The following PWWP3A variants were observed in gnomAD, a reference collection of about 807,000 sequenced individuals.
PWWP3A encodes PWWP domain-containing DNA repair factor 3A.
PWWP3A carries 53 observed loss-of-function variants against 79.0 expected under a neutral mutation model. The observed-to-expected ratio is 0.67, with a 90% CI of 0.54 to 0.84. The LOEUF (loss-of-function observed/expected upper bound fraction) is 0.84. PWWP3A is among the 40% of genes least tolerant of loss of function. PWWP3A has a pLI of 0.00. For missense variants in PWWP3A, 973 were observed against 948.0 expected, an observed-to-expected ratio of 1.03 and a Z score of -0.35; for synonymous variants, 443 against 394.4, an observed-to-expected ratio of 1.12 and a Z score of -1.46.
At chr19:1,375,616 T>A (rs190250518) in intron 13 of PWWP3A, among the ~76,000 whole-genome samples, 254 of 3,028 alleles carry the variant, frequency 0.084, 2 homozygotes, top group Middle Eastern at 0.25. Context: ...TATATACAAT[T>A]ATATAACAAT....
rs142273631 is a variant in PWWP3A at position 1,366,455 on chromosome 19, G to T, written c.1361+74G>T. On this transcript the variant is annotated intron_variant, in intron 8 of 13. Coordinates refer to ENST00000591337, the MANE Select transcript of PWWP3A (RefSeq NM_001369789.1). ...GGCCGCTCTCAGAGTCAGAGCGGGC[G>T]TGGGGATGGAGGGACAGAGGGGAGG... is the stretch of plus-strand genomic sequence containing the variant. 6.5e-4 allele frequency: 920 copies of T among 1,407,262 alleles called. 15 individuals are homozygous for T. The South Asian group carries it at 8.3e-3, about 13-fold the overall frequency. The allele number at this position is 1,407,262 out of a possible 1,614,324, so 87.2% of individuals were successfully genotyped here.
intron 13 of PWWP3A, among the ~76,000 whole-genome samples, chr19:1,376,307 GTTTGT>G (rs1428309608): frequency 2.4e-4 from 17 of 70,384 alleles, no homozygotes; most frequent in South Asian, 5.7e-4. Flanking sequence ...TTTTTTTTTT[GTTTGT>G]TTTTTTTTTT....
At chr19:1,364,672 G>A in intron 7 of PWWP3A, 93 bp downstream of exon 7, 2 of 1,055,604 alleles carry the variant, frequency 1.9e-6, no homozygotes, top group South Asian at 3.0e-5. Context: ...AATTTGATCA[G>A]GATAAATGTT....
Position 1,376,295 on chromosome 19 carries a change from G to T in PWWP3A, c.2076-224G>T, listed in dbSNP as rs12981447. Among the ~76,000 whole-genome samples, 8,000 of 66,268 alleles carry T rather than the reference G, an allele frequency of 0.12. 700 individuals carry two copies. The highest frequency in any genetic ancestry group is 0.19 in the African/African-American group (3,334 of 17,660). 43.5% of individuals were successfully genotyped at this position (66,268 alleles called of 152,430 possible). The stretch of plus-strand genomic sequence containing the variant: ...CATGCGCCACCACGCCCGGCTGTTT[G>T]TTTTTTTTTTTGTTTGTTTTTTTTT... On this transcript the variant is annotated intron_variant, in intron 13 of 13. Coordinates refer to ENST00000591337, the MANE Select transcript of PWWP3A (RefSeq NM_001369789.1).
chr19:1,358,602 C>T, intron 4 of PWWP3A, 138 bp downstream of exon 4: 3 of 1,577,042 alleles, frequency 1.9e-6, no homozygotes, highest in Non-Finnish European at 2.6e-6. Context: ...CGCGAATCCC[C>T]TGAGCTGAAG....
At chr19:1,363,277 T>A (rs1029107824) in intron 6 of PWWP3A, among the ~76,000 whole-genome samples, 6 of 152,202 alleles carry the variant, frequency 3.9e-5, no homozygotes, top group South Asian at 4.1e-4. Flanking sequence ...AGTCTCACAT[T>A]TTCCCTTTTT....
At position 1,368,873 on chromosome 19, in the gene PWWP3A, GACCAGCCCAAGCC is replaced by G. The variant is rs1269634074; in HGVS notation, c.1423-390_1423-378del. Among the ~76,000 whole-genome samples the G allele has an allele frequency of 8.0e-4, 115 of 143,382 alleles. No homozygotes were observed. Among genetic ancestry groups the G allele is most frequent in the African/African-American group, 2.9e-3 (106 of 36,184 alleles). 94.1% of individuals were successfully genotyped at this position (143,382 alleles called of 152,430 possible). A position where few individuals can be genotyped will look rare whatever the true frequency, so the allele number is the denominator to read the frequency against. ...GGTCCCCGGTGCCCACCTGCGTTCA[GACCAGCCCAAGCC>G]ATCGGGTCCCCGGTGCCCACCTGCG... On this transcript the variant is annotated intron_variant, in intron 9 of 13. Coordinates refer to ENST00000591337, the MANE Select transcript of PWWP3A (RefSeq NM_001369789.1). This position sits in a 1 kb window ranked among gnomAD's most constrained non-coding sequence, Gnocchi z 4.7.
chr19:1,363,472 C>T (rs1168441268), intron 6 of PWWP3A, among the ~76,000 whole-genome samples: 1 of 152,168 alleles, frequency 6.6e-6, no homozygotes, highest in Non-Finnish European at 1.5e-5. Flanking sequence ...ATCATTTCTG[C>T]AGGATCCGTT....
At chr19:1,375,886 A>AC (rs1418625226) in intron 13 of PWWP3A, among the ~76,000 whole-genome samples, 4 of 143,338 alleles carry the variant, frequency 2.8e-5, no homozygotes, top group African/African-American at 5.3e-5. Flanking sequence ...GCCCACTGCA[A>AC]CCCCCCCACC....
Position 1,376,298 on chromosome 19 carries a change from TTTTTTTTTGTTTG to T in PWWP3A, c.2076-212_2076-200del, listed in dbSNP as rs1165973155. Among the ~76,000 whole-genome samples, 11 of 90,186 alleles carry T rather than the reference TTTTTTTTTGTTTG, an allele frequency of 1.2e-4. 1 individual carries two copies. The highest frequency in any genetic ancestry group is 3.2e-4 in the Admixed American group (3 of 9,438). The allele number at this position is 90,186 out of a possible 152,430, so 59.2% of individuals were successfully genotyped here. ...GCGCCACCACGCCCGGCTGTTTGTT[TTTTTTTTTGTTTG>T]TTTTTTTTTTTTTTTGGTATTTTTT... On this transcript the variant is annotated intron_variant, in intron 13 of 13. Coordinates refer to ENST00000591337, the MANE Select transcript of PWWP3A (RefSeq NM_001369789.1).
chr19:1,371,142 G>A lies in PWWP3A; in HGVS notation c.1986+64G>A, dbSNP rs555628755. 3.4e-5 allele frequency: 52 copies of A among 1,521,026 alleles called. No individual in the cohort carries two copies. The Middle Eastern group carries it at 5.0e-4, about 15-fold the overall frequency. The allele number at this position is 1,521,026 out of a possible 1,614,324, so 94.2% of individuals were successfully genotyped here. On this transcript the variant is annotated intron_variant, in intron 12 of 13. Coordinates refer to ENST00000591337, the MANE Select transcript of PWWP3A (RefSeq NM_001369789.1). ...GCCTGCGCTGGGATTTTGCAACTCC[G>A]CACGAGGAGGCTGCCACGGTCCTCG... is the stretch of plus-strand genomic sequence containing the variant.
In PWWP3A at chr19:1,360,190, C is replaced by T; in HGVS notation, c.269C>T (p.Ser90Leu). 2 of 1,604,064 alleles carry T rather than the reference C, an allele frequency of 1.2e-6. No homozygotes were observed. Among genetic ancestry groups the T allele is most frequent in the Non-Finnish European group, 1.7e-6 (2 of 1,175,574 alleles). Reference sequence around the variant, plus strand: ...CTGGAAGAACTGGCCTACAGACGGTCGCTTCGCGTGGCTCTGGACGTTCTG... The same window carrying T: ...CTGGAAGAACTGGCCTACAGACGGTTGCTTCGCGTGGCTCTGGACGTTCTG... ...APLEELAYRR[S>L]LRVALDVLSE... The change falls in exon 5 of 14, where the codon TCG (serine) becomes TTG (leucine). Residue 90 changes from serine (S) to leucine (L), a missense_variant. Coordinates refer to ENST00000591337, the MANE Select transcript of PWWP3A (RefSeq NM_001369789.1). The surrounding 1 kb of genome is among the most constrained non-coding windows in gnomAD (Gnocchi z 4.4).
At chr19:1,356,657 A>T (rs2081876928) in intron 2 of PWWP3A, among the ~76,000 whole-genome samples, 1 of 43,072 alleles carries the variant, frequency 2.3e-5, no homozygotes, top group Admixed American at 2.6e-4. Context: ...TTTTCACACT[A>T]AAAAAAAAAA....
intron 12 of PWWP3A, chr19:1,372,394 G>A (rs2082281058): frequency 1.3e-5 from 2 of 152,136 alleles, no homozygotes; most frequent in Admixed American, 1.3e-4. Flanking sequence ...AATCACAAAA[G>A]TAAAAAATAG....
rs371026323 is a variant in PWWP3A at position 1,360,109 on chromosome 19, G to A, written c.215-27G>A. 8 of 1,519,182 alleles carry A rather than the reference G, an allele frequency of 5.3e-6. No homozygotes were observed. Among genetic ancestry groups the A allele is most frequent in the Middle Eastern group, 1.8e-4 (1 of 5,630 alleles). 94.1% of individuals were successfully genotyped at this position (1,519,182 alleles called of 1,614,324 possible). A position where few individuals can be genotyped will look rare whatever the true frequency, so the allele number is the denominator to read the frequency against. On this transcript the variant is annotated intron_variant, in intron 4 of 13. Transcript: ENST00000591337. This position sits in a 1 kb window ranked among gnomAD's most constrained non-coding sequence, Gnocchi z 4.4. The stretch of plus-strand genomic sequence containing the variant: ...CAGTGCCTGTGCAGTGAACGTAACC[G>A]GCATTGTGTATGTTCGGTCCTTGCA...
rs989209539 is a variant in PWWP3A at position 1,376,805 on chromosome 19, T to G, written c.*229T>G. The stretch of plus-strand genomic sequence containing the variant: ...TTTTTTCATTTTATTTTTGGCATTT[T>G]TTACAAGATACCGTTCGGGAAAGGC... On this transcript the variant is annotated 3_prime_UTR_variant, in exon 14 of 14. Transcript: ENST00000591337. The G allele has an allele frequency of 3.4e-5, 16 of 474,870 alleles. No individual in the cohort carries two copies. In the East Asian group the frequency reaches 5.5e-4, roughly 16 times the overall value. 29.4% of individuals were successfully genotyped at this position (474,870 alleles called of 1,614,324 possible).
At chr19:1,365,456 C>A (rs2082108436) in intron 7 of PWWP3A, among the ~76,000 whole-genome samples, 1 of 152,258 alleles carries the variant, frequency 6.6e-6, no homozygotes, top group African/African-American at 2.4e-5. Flanking sequence ...TCCAGAGACG[C>A]CTTTGTTGCT....
At chr19:1,363,196 G>A (rs1442984878) in intron 6 of PWWP3A, among the ~76,000 whole-genome samples, 1 of 152,232 alleles carries the variant, frequency 6.6e-6, no homozygotes, top group Non-Finnish European at 1.5e-5. Flanking sequence ...CGTGCCGGTG[G>A]CCTTGTTATG....
At chr19:1,358,502 A>G (rs552019265) in intron 4 of PWWP3A, 38 bp downstream of exon 4, 8 of 1,610,410 alleles carry the variant, frequency 5.0e-6, no homozygotes, top group Non-Finnish European at 6.8e-6. Context: ...AGGTTTTCAT[A>G]AAATAAGAGG....
Sources: allele counts gnomAD v4.1 joint callset (sites outside exome capture counted in the v4.1 genomes callset), GRCh38; gene constraint gnomAD v4.1.1; non-coding constraint Gnocchi (gnomAD v3.1); transcripts MANE v1.5; gene names NCBI Gene and HGNC (gene_info 2026-07-23, HGNC 2026-07-21).